Variants in TRPA1 observed in about 807,000 individuals in gnomAD.
The protein encoded by TRPA1 is ankyrin-like with transmembrane domains 1.
In TRPA1, 129 loss-of-function variants were observed where a neutral mutation model predicts 131.3. That is an observed-to-expected ratio of 0.98 (90% CI 0.85 to 1.14). The LOEUF is 1.14. Ranked by LOEUF, TRPA1 falls within the 50% of genes most tolerant of loss-of-function variation. The pLI, the probability that TRPA1 is intolerant of heterozygous loss-of-function variation, is 0.00. For missense variants in TRPA1, 1,304 were observed against 1,354.2 expected (o/e 0.96, Z 0.58); for synonymous variants, 441 against 451.7 (o/e 0.98, Z 0.30).
Position 72,071,827 on chromosome 8 carries a change from T to C in TRPA1, c.152A>G (p.Asn51Ser). 6.2e-7 allele frequency: 1 copy of C among 1,612,728 alleles called. No individual in the cohort carries two copies. The highest frequency in any genetic ancestry group is 8.5e-7 in the Non-Finnish European group (1 of 1,179,822). Residue 51 changes from asparagine (N) to serine (S), a missense_variant, in exon 2 of 27, where the codon AAT (asparagine) becomes AGT (serine). Physicochemically the swap from Asn to Ser is conservative, Grantham distance 46 (BLOSUM62 1). Coordinates refer to ENST00000262209, the MANE Select transcript of TRPA1 (RefSeq NM_007332.3). ...ACATCTTTTTAATTTCTTTTGCTTA[T>C]TAAAGTTTTGTAATCCATATGCACT... ...EGSAYGLQNF[N>S]KQKKLKRCDD...
At chr8:72,081,976 C>T in the TRPA1 span, among the ~76,000 whole-genome samples, 2 of 151,850 alleles carry the variant, frequency 1.3e-5, no homozygotes, top group Non-Finnish European at 3.0e-5. Flanking sequence ...ATATCATTGA[C>T]ATTTAATATG....
Position 72,055,838 on chromosome 8 carries a change from C to T in TRPA1, c.1212G>A (p.Glu404=). 2.5e-6 allele frequency: 4 copies of T among 1,612,600 alleles called. No individual in the cohort carries two copies. The highest frequency in any genetic ancestry group is 3.4e-6 in the Non-Finnish European group (4 of 1,179,530). The change falls in exon 11 of 27, where the codon GAG becomes GAA. Residue 404 remains glutamate (E), a synonymous_variant. Coordinates refer to ENST00000262209, the MANE Select transcript of TRPA1 (RefSeq NM_007332.3). The part of the protein sequence containing the change: ...PEFMQMQQIK[E]LVMDEDNDGC... Reference sequence around the variant, plus strand: ...CATCGTTGTCTTCATCCATTACCAGCTCTTTGATCTGTTGCATCTATAGGA... The same window carrying T: ...CATCGTTGTCTTCATCCATTACCAGTTCTTTGATCTGTTGCATCTATAGGA...
chr8:72,065,539 G>A lies in TRPA1; in HGVS notation c.464C>T (p.Thr155Ile), dbSNP rs1278938824. 6.2e-7 allele frequency: 1 copy of A among 1,613,206 alleles called. No individual in the cohort carries two copies. The highest frequency in any genetic ancestry group is 1.1e-5 in the South Asian group (1 of 91,074). Reference protein sequence around the residue: ...EVMKVLLEHRTIDVNLEGENG... With the variant: ...EVMKVLLEHRIIDVNLEGENG... ...TTCTCCTTCCAAATTAACATCAATA[G>A]TTCTATGCTCAAGCAAGACCTAAAA... Residue 155 changes from threonine to isoleucine, a missense_variant, in exon 4 of 27, where the codon ACT (threonine) becomes ATT (isoleucine). Physicochemically the swap from Thr to Ile is moderately conservative, Grantham distance 89 (BLOSUM62 -1). Transcript: ENST00000262209.
At chr8:72,079,010 C>A (rs1480098360), upstream of TRPA1, among the ~76,000 whole-genome samples, 1 of 151,800 alleles carries the variant, frequency 6.6e-6, no homozygotes, top group Non-Finnish European at 1.5e-5. Context: ...ATGATATTGT[C>A]CATATTAGCA....
In TRPA1 at chr8:72,025,991, G is replaced by A. The variant is rs201525715; in HGVS notation, c.3020C>T (p.Pro1007Leu). 2.5e-5 allele frequency: 41 copies of A among 1,613,740 alleles called. No homozygotes were observed. The highest frequency in any genetic ancestry group is 3.4e-5 in the Non-Finnish European group (40 of 1,179,900). Reference protein sequence around the residue: ...KVDQKSTIVYPNKPRSGGMLF... With the variant: ...KVDQKSTIVYLNKPRSGGMLF... ...CATCCCACCAGATCTGGGTTTGTTG[G>A]GATACACGATGGTGGATTTCTGATC... Residue 1007 changes from proline (P) to leucine (L), a missense_variant, in exon 25 of 27, where the codon CCC becomes CTC. Physicochemically the swap from Pro to Leu is moderately conservative, Grantham distance 98. Coordinates refer to ENST00000262209, the MANE Select transcript of TRPA1 (RefSeq NM_007332.3).
At chr8:72,081,973 T>C in the TRPA1 span, among the ~76,000 whole-genome samples, 3 of 151,916 alleles carry the variant, frequency 2.0e-5, no homozygotes, top group Non-Finnish European at 4.4e-5. Context: ...ATTATATCAT[T>C]GACATTTAAT....
In TRPA1 at chr8:72,038,158, TTTC is replaced by T. The variant is rs377205148; in HGVS notation, c.2296-89_2296-87del. ...ATAATTTTCACTATTAAATTTCTTT[TTTC>T]TTTTTTTTTTGCTTAATTTCTATAT... is the stretch of plus-strand genomic sequence containing the variant. On this transcript the variant is annotated intron_variant, in intron 19 of 26. Transcript: ENST00000262209. The T allele has an allele frequency of 1.1e-4, 85 of 770,040 alleles. No individual in the cohort carries two copies. The African/African-American group carries it at 1.2e-3, about 10-fold the overall frequency. 47.7% of individuals were successfully genotyped at this position (770,040 alleles called of 1,614,324 possible).
At chr8:72,059,126 T>C (rs1171772691) in intron 8 of TRPA1, among the ~76,000 whole-genome samples, 1 of 152,182 alleles carries the variant, frequency 6.6e-6, no homozygotes, top group African/African-American at 2.4e-5. Context: ...TTCCTTGCAA[T>C]GTACCTGCCA....
chr8:72,044,513 T>C lies in TRPA1; in HGVS notation c.2061+2000A>G, dbSNP rs1268009838. On this transcript the variant is annotated intron_variant, in intron 17 of 26. Coordinates refer to ENST00000262209, the MANE Select transcript of TRPA1 (RefSeq NM_007332.3). ...TACAGAAAACCTACCCCTTGAGGCA[T>C]GCAAGTACATTGTTAAGTTTAAATA... 3.9e-5 allele frequency among the ~76,000 whole-genome samples: 6 copies of C among 152,118 alleles called. No individual in the cohort carries two copies. In the East Asian group the frequency reaches 5.8e-4, roughly 15 times the overall value.
chr8:72,058,012 G>A (rs1464030437), intron 8 of TRPA1, among the ~76,000 whole-genome samples, 196 bp from the exon 9 acceptor site: 3 of 151,986 alleles, frequency 2.0e-5, no homozygotes, highest in Admixed American at 6.6e-5. Flanking sequence ...CAAGAAATTC[G>A]TTTATAATTT....
chr8:72,028,792 T>A (rs185154359), intron 24 of TRPA1, among the ~76,000 whole-genome samples: 1 of 152,358 alleles, frequency 6.6e-6, no homozygotes, highest in African/African-American at 2.4e-5. Flanking sequence ...ATACTATGTA[T>A]TGAAACATTG....
At chr8:72,075,617 T>A (rs1047705350), upstream of TRPA1, 1 of 583,040 alleles carries the variant, frequency 1.7e-6, no homozygotes, top group Admixed American at 3.0e-5. Flanking sequence ...ACTTTTGTAG[T>A]GCAGGAAGCA....
At chr8:72,045,783 A>G (rs184782474) in intron 17 of TRPA1, among the ~76,000 whole-genome samples, 55 of 151,986 alleles carry the variant, frequency 3.6e-4, no homozygotes, top group Non-Finnish European at 8.8e-5. Context: ...TTTCAGTTTG[A>G]GACCTTTGAT....
chr8:72,025,765 A>T (rs933496030), intron 25 of TRPA1, among the ~76,000 whole-genome samples, 195 bp downstream of exon 25: 2 of 152,182 alleles, frequency 1.3e-5, no homozygotes, highest in African/African-American at 4.8e-5. Flanking sequence ...GAAAGGGGAG[A>T]GCAAACGTCA....
At chr8:72,052,524 CTTATT>C in intron 14 of TRPA1, 70 bp downstream of exon 14, 2 of 1,578,852 alleles carry the variant, frequency 1.3e-6, no homozygotes, top group Non-Finnish European at 1.7e-6. Flanking sequence ...TTTCTTTTCT[CTTATT>C]TTGTCTCAGA....
At chr8:72,071,343 G>T (rs776697338) in intron 2 of TRPA1, among the ~76,000 whole-genome samples, 2 of 151,984 alleles carry the variant, frequency 1.3e-5, no homozygotes, top group African/African-American at 2.4e-5. Context: ...CATCACTGTG[G>T]GAGTATGGTA....
intron 15 of TRPA1, among the ~76,000 whole-genome samples, chr8:72,048,078 A>G (rs1805393340): frequency 6.6e-6 from 1 of 151,980 alleles, no homozygotes; most frequent in South Asian, 2.1e-4. Context: ...AGATGTTGTA[A>G]TGAGAAATAG....
At chr8:72,078,749 A>G (rs1243788586), upstream of TRPA1, among the ~76,000 whole-genome samples, 1 of 152,026 alleles carries the variant, frequency 6.6e-6, no homozygotes, top group Non-Finnish European at 1.5e-5. Context: ...ATACATTTTT[A>G]TTTCTCTTGT....
rs753001977 is a variant in TRPA1, at chr8:72,036,351, T to C, written c.2492A>G (p.Gln831Arg). The stretch of plus-strand genomic sequence containing the variant: ...AACAGCAATTGCTCCACATTGCCAC[T>C]GCAGATGAGCTGGTATTTCAACAAA... ...PLFVEIPAHL[Q>R]WQCGAIAVYF... Residue 831 changes from glutamine to arginine, a missense_variant, in exon 21 of 27, where the codon CAG becomes CGG. By Grantham distance (43) the Gln-to-Arg change is conservative. Coordinates refer to ENST00000262209, the MANE Select transcript of TRPA1 (RefSeq NM_007332.3). 1 of 1,614,064 alleles carries C rather than the reference T, an allele frequency of 6.2e-7. No homozygotes were observed.
Sources: allele counts gnomAD v4.1 joint callset (sites outside exome capture counted in the v4.1 genomes callset), GRCh38; gene constraint gnomAD v4.1.1; transcripts MANE v1.5; gene names NCBI Gene and HGNC (gene_info 2026-07-23, HGNC 2026-07-21).